Variants in PLCL1 observed in about 807,000 individuals in gnomAD.
PLCL1 encodes phospholipase C like 1 (inactive).
In PLCL1, 41 loss-of-function variants were observed where a neutral mutation model predicts 84.4. That is an observed-to-expected ratio of 0.49 (90% CI 0.38 to 0.63). The LOEUF (loss-of-function observed/expected upper bound fraction) is 0.63, where lower values mean the gene tolerates loss of function less well. Ranked by LOEUF, PLCL1 falls within the 30% of genes least tolerant of loss-of-function variation. The pLI is 0.00. For synonymous variants in PLCL1, 490 were observed against 488.3 expected, an observed-to-expected ratio of 1.00 and a Z score of -0.05; for missense variants, 1,206 against 1,367.8, an observed-to-expected ratio of 0.88 and a Z score of 1.87.
chr2:198,005,531 G>A (rs905332551), intron 1 of PLCL1, among the ~76,000 whole-genome samples: 3 of 152,208 alleles, frequency 2.0e-5, no homozygotes, highest in Non-Finnish European at 2.9e-5. Context: ...CCTACCCTAT[G>A]TTAGACCCTG....
chr2:198,130,145 C>A lies in PLCL1; in HGVS notation c.3106-16635C>A, dbSNP rs118020468. ...AAGTAGCTGGGACTACATGCACATG[C>A]CACCACACCCTGCTAATTTTATGTT... On this transcript the variant is annotated intron_variant, in intron 5 of 5. Transcript: ENST00000428675. 3.0e-3 allele frequency among the ~76,000 whole-genome samples: 464 copies of A among 152,184 alleles called. 18 individuals carry two copies. The East Asian group carries it at 0.078, about 26-fold the overall frequency.
rs140209418 is a variant in PLCL1, at chr2:197,934,618, G to A, written c.240+129279G>A. Among the ~76,000 whole-genome samples the A allele has an allele frequency of 1.4e-3, 210 of 151,708 alleles. 1 individual carries two copies. The highest frequency in any genetic ancestry group is 4.4e-3 in the African/African-American group (183 of 41,384). ...CCTCTGGATAAGTTTTTTTTTCTTC[G>A]TTAGGAAAGAAAAATATTTTATAGT... On this transcript the variant is annotated intron_variant, in intron 1 of 5. Coordinates refer to ENST00000428675, the MANE Select transcript of PLCL1 (RefSeq NM_006226.4).
chr2:198,071,642 T>G (rs1692466576), intron 1 of PLCL1, among the ~76,000 whole-genome samples: 1 of 151,878 alleles, frequency 6.6e-6, no homozygotes, highest in Non-Finnish European at 1.5e-5. Context: ...TTCCAAAATT[T>G]GTTTGTGAAC....
At chr2:198,016,762 A>T (rs551028329) in intron 1 of PLCL1, among the ~76,000 whole-genome samples, 12 of 152,310 alleles carry the variant, frequency 7.9e-5, no homozygotes, top group Non-Finnish European at 1.6e-4. Flanking sequence ...GTATCAGGTT[A>T]TCCTCGGGTT....
At chr2:198,097,399 T>C (rs534488676) in intron 3 of PLCL1, among the ~76,000 whole-genome samples, 50 of 152,302 alleles carry the variant, frequency 3.3e-4, no homozygotes, top group African/African-American at 1.1e-3. Flanking sequence ...ATTTTGTCCA[T>C]GCATACTCAA....
chr2:197,887,531 A>G (rs1687945105), intron 1 of PLCL1, among the ~76,000 whole-genome samples: 1 of 152,200 alleles, frequency 6.6e-6, no homozygotes, highest in African/African-American at 2.4e-5. Flanking sequence ...ATGGTATATG[A>G]GAGTAACTTT....
chr2:198,113,104 G>A (rs1177898930), intron 5 of PLCL1, among the ~76,000 whole-genome samples: 5 of 151,794 alleles, frequency 3.3e-5, no homozygotes, highest in Non-Finnish European at 5.9e-5. Context: ...ATCCGTGGAC[G>A]AGGTATCTGA....
At chr2:198,140,143 G>A (rs1012337962) in intron 5 of PLCL1, among the ~76,000 whole-genome samples, 1 of 151,810 alleles carries the variant, frequency 6.6e-6, no homozygotes, top group Non-Finnish European at 1.5e-5. Flanking sequence ...CATGTTGGCC[G>A]CGCCTGGCCC....
rs1690452284 is a variant in PLCL1, at chr2:197,805,404, A to C, written c.240+65A>C. ...TGATGGGTGGGTCAGGGACCCGGGC[A>C]GGATGTGCGGTGTCCGGAGGCATCC... On this transcript the variant is annotated intron_variant, in intron 1 of 5. Coordinates refer to ENST00000428675, the MANE Select transcript of PLCL1 (RefSeq NM_006226.4). This position sits in a 1 kb window ranked among gnomAD's most constrained non-coding sequence, Gnocchi z 4.0. The C allele has an allele frequency of 7.7e-7, 1 of 1,296,508 alleles. No individual in the cohort carries two copies. Among genetic ancestry groups the C allele is most frequent in the Non-Finnish European group, 9.8e-7 (1 of 1,025,328 alleles). 80.3% of individuals were successfully genotyped at this position (1,296,508 alleles called of 1,614,324 possible).
chr2:198,121,257 C>A (rs1262211763), intron 5 of PLCL1, among the ~76,000 whole-genome samples: 3 of 152,044 alleles, frequency 2.0e-5, no homozygotes, highest in African/African-American at 7.2e-5. Context: ...TTCTTCCATT[C>A]TATAGTTTGT....
chr2:197,823,739 T>C (rs947435249), intron 1 of PLCL1, among the ~76,000 whole-genome samples: 2 of 151,552 alleles, frequency 1.3e-5, no homozygotes, highest in Non-Finnish European at 2.9e-5. Context: ...TTCTCTAATT[T>C]CTTGCAGTAT....
At chr2:197,960,087 C>T (rs560506100) in intron 1 of PLCL1, among the ~76,000 whole-genome samples, 3 of 152,146 alleles carry the variant, frequency 2.0e-5, no homozygotes, top group Non-Finnish European at 2.9e-5. Flanking sequence ...GGTTTATCAC[C>T]GTTCCCAGAG....
intron 1 of PLCL1, among the ~76,000 whole-genome samples, chr2:198,008,460 G>A (rs1371228419): frequency 1.3e-5 from 2 of 151,012 alleles, no homozygotes; most frequent in Non-Finnish European, 2.9e-5. Flanking sequence ...ATCATACAGT[G>A]TTTGTCATTT....
intron 5 of PLCL1, among the ~76,000 whole-genome samples, chr2:198,107,479 A>C (rs1474349978): frequency 6.6e-6 from 1 of 151,912 alleles, no homozygotes; most frequent in Non-Finnish European, 1.5e-5. Flanking sequence ...TAATACCTAC[A>C]TCTCAGATTT....
At position 197,924,166 on chromosome 2, in the gene PLCL1, A is replaced by G. The variant is rs997304664; in HGVS notation, c.240+118827A>G. Among the ~76,000 whole-genome samples the G allele has an allele frequency of 6.9e-5, 10 of 145,864 alleles. No individual in the cohort carries two copies. The East Asian group carries it at 1.4e-3, about 21-fold the overall frequency. On this transcript the variant is annotated intron_variant, in intron 1 of 5. Coordinates refer to ENST00000428675, the MANE Select transcript of PLCL1 (RefSeq NM_006226.4). ...GAGGGAGAGGGAGAGGGAGAGGGAGAGGGAGAGGGAGAGGGAGAGGCCCCC... is the reference window on the plus strand; with the variant it reads ...GAGGGAGAGGGAGAGGGAGAGGGAGGGGGAGAGGGAGAGGGAGAGGCCCCC...
At chr2:198,006,036 A>C (rs779996371) in intron 1 of PLCL1, among the ~76,000 whole-genome samples, 9 of 152,228 alleles carry the variant, frequency 5.9e-5, no homozygotes, top group Non-Finnish European at 1.2e-4. Context: ...TAATATATTC[A>C]GAGATGATTC....
intron 1 of PLCL1, among the ~76,000 whole-genome samples, chr2:197,887,394 T>G (rs1687942263): frequency 6.6e-6 from 1 of 152,162 alleles, no homozygotes; most frequent in African/African-American, 2.4e-5. Context: ...TTTTTTTCTT[T>G]GCTCACATAA....
chr2:198,118,982 T>C (rs1180979067), intron 5 of PLCL1, among the ~76,000 whole-genome samples: 1 of 152,070 alleles, frequency 6.6e-6, no homozygotes, highest in African/African-American at 2.4e-5. Context: ...TACAGTAGTG[T>C]GTCTTCATGT....
intron 1 of PLCL1, among the ~76,000 whole-genome samples, chr2:197,861,771 C>T (rs1687437889): frequency 6.6e-6 from 1 of 152,068 alleles, no homozygotes; most frequent in South Asian, 2.1e-4. Flanking sequence ...GGGGGGAACC[C>T]CTACCCCTAC....
Sources: allele counts gnomAD v4.1 joint callset (sites outside exome capture counted in the v4.1 genomes callset), GRCh38; gene constraint gnomAD v4.1.1; non-coding constraint Gnocchi (gnomAD v3.1); transcripts MANE v1.5; gene names NCBI Gene and HGNC (gene_info 2026-07-23, HGNC 2026-07-21).